The following TENM1 variants were observed in gnomAD, a reference collection of about 807,000 sequenced individuals.
The protein encoded by TENM1 is teneurin transmembrane protein 1.
A neutral mutation model predicts 174.8 loss-of-function variants in TENM1; 35 were observed. That is an observed-to-expected ratio of 0.20 (90% CI 0.15 to 0.27). TENM1 has a LOEUF of 0.27. TENM1 is among the 10% of genes least tolerant of loss of function. TENM1 has a pLI of 1.00. For synonymous variants in TENM1, 781 were observed against 798.7 expected, an observed-to-expected ratio of 0.98 and a Z score of 0.37; for missense variants, 1,633 against 2,130.1, an observed-to-expected ratio of 0.77 and a Z score of 4.59.
At chrX:124,755,505 T>G (rs1418487658) in intron 3 of TENM1, among the ~76,000 whole-genome samples, 3 of 110,873 alleles carry the variant, frequency 2.7e-5, no homozygotes, top group African/African-American at 9.9e-5. Context: ...GTTAATATTG[T>G]TATGTGTGAA....
chrX:124,406,597 C>CTT, intron 25 of TENM1, 108 bp from the exon 29 acceptor site: 1 of 472,871 alleles, frequency 2.1e-6, no homozygotes, highest in Non-Finnish European at 3.6e-6. Flanking sequence ...TGAGTGATAA[C>CTT]AAGTATTATT....
chrX:124,631,811 A>G (rs932320112), intron 11 of TENM1, among the ~76,000 whole-genome samples: 1 of 105,620 alleles, frequency 9.5e-6, no homozygotes, highest in East Asian at 3.0e-4. Context: ...GAGGCAGGAG[A>G]ATCACGGGCG....
At chrX:124,832,294 T>C (rs2056307273) in intron 3 of TENM1, among the ~76,000 whole-genome samples, 1 of 112,175 alleles carries the variant, frequency 8.9e-6, no homozygotes, top group Non-Finnish European at 1.9e-5. Context: ...GATAAATAAA[T>C]ATTGTTAAGG....
intron 11 of TENM1, among the ~76,000 whole-genome samples, chrX:124,587,256 G>T (rs1016637329): frequency 1.8e-5 from 2 of 110,590 alleles, no homozygotes; most frequent in African/African-American, 6.7e-5. Flanking sequence ...AATGAACAAA[G>T]CTGGAGGCAT....
At chrX:124,838,493 G>A (rs1166691166) in intron 3 of TENM1, among the ~76,000 whole-genome samples, 2 of 111,273 alleles carry the variant, frequency 1.8e-5, no homozygotes, top group South Asian at 3.8e-4. Flanking sequence ...TATAACTAAG[G>A]ATCAATATCT....
intron 3 of TENM1, among the ~76,000 whole-genome samples, chrX:124,778,419 G>A (rs1346917508): frequency 1.8e-5 from 2 of 111,934 alleles, no homozygotes; most frequent in Non-Finnish European, 3.8e-5. Context: ...CAATGTGTCC[G>A]CATGCCTAAA....
At chrX:124,771,712 G>C (rs781540693) in intron 3 of TENM1, among the ~76,000 whole-genome samples, 1 of 112,094 alleles carries the variant, frequency 8.9e-6, no homozygotes, top group African/African-American at 3.2e-5. Flanking sequence ...GAATAGAGAA[G>C]AGACATGAAC....
intron 3 of TENM1, among the ~76,000 whole-genome samples, chrX:124,844,964 A>C (rs2056579519): frequency 9.0e-6 from 1 of 111,265 alleles, no homozygotes; most frequent in African/African-American, 3.3e-5. Context: ...TGTAATATAC[A>C]ATTTCTGGGG....
chrX:124,978,689 G>A, the TENM1 span, among the ~76,000 whole-genome samples: 1 of 111,642 alleles, frequency 9.0e-6, no homozygotes, highest in African/African-American at 3.3e-5. Context: ...CAATGATTGC[G>A]CAGAGGTTGT....
chrX:124,645,424 GGC>G, intron 9 of TENM1, 87 bp from the exon 13 acceptor site: 1 of 913,330 alleles, frequency 1.1e-6, no homozygotes, highest in Admixed American at 2.9e-5. Flanking sequence ...TCGTATTTCA[GGC>G]AAAAAATTGT....
At chrX:125,179,879 T>C in the TENM1 span, among the ~76,000 whole-genome samples, 13 of 106,101 alleles carry the variant, frequency 1.2e-4, no homozygotes, top group African/African-American at 4.5e-4. Flanking sequence ...CCATTGGTAA[T>C]TGCCATCTGC....
chrX:124,421,614 C>CT (rs34110361), intron 24 of TENM1, among the ~76,000 whole-genome samples: 3,871 of 94,964 alleles, frequency 0.041, 193 homozygotes, highest in African/African-American at 0.14. Flanking sequence ...GGAGAAGGCT[C>CT]TTTTTTTTTT....
chrX:124,480,038 A>C (rs1489659519), intron 22 of TENM1, among the ~76,000 whole-genome samples: 2 of 111,908 alleles, frequency 1.8e-5, no homozygotes, highest in Non-Finnish European at 3.8e-5. Context: ...AATTCCTTTT[A>C]GGAATTCCTG....
intron 1 of TENM1, among the ~76,000 whole-genome samples, chrX:124,930,519 A>G (rs2058155135): frequency 8.9e-6 from 1 of 111,740 alleles, no homozygotes; most frequent in African/African-American, 3.3e-5. Context: ...TGTTGCACCT[A>G]TACATCTGAC....
chrX:124,800,832 G>A (rs994308907), intron 3 of TENM1, among the ~76,000 whole-genome samples: 18 of 111,778 alleles, frequency 1.6e-4, no homozygotes, highest in Admixed American at 1.4e-3. Flanking sequence ...AGAACTTCTT[G>A]ATTTTTGCCT....
intron 1 of TENM1, among the ~76,000 whole-genome samples, chrX:124,918,670 G>A (rs1348545329): frequency 9.0e-6 from 1 of 111,360 alleles, no homozygotes; most frequent in Non-Finnish European, 1.9e-5. Flanking sequence ...AATAAGAGAA[G>A]GGAACTGACA....
At chrX:125,203,520 G>A in the TENM1 span, among the ~76,000 whole-genome samples, 1 of 112,529 alleles carries the variant, frequency 8.9e-6, no homozygotes, top group Admixed American at 9.3e-5. Context: ...AGCGTCCCCA[G>A]GGCCCGCTGG....
chrX:124,950,103 G>A (rs1053674528), intron 1 of TENM1, among the ~76,000 whole-genome samples: 1 of 110,714 alleles, frequency 9.0e-6, no homozygotes, highest in East Asian at 2.9e-4. Flanking sequence ...GGGGCCCAAG[G>A]CTTCATTTAT....
intron 28 of TENM1, among the ~76,000 whole-genome samples, chrX:124,387,054 G>C (rs2060228107): frequency 9.4e-6 from 1 of 105,858 alleles, no homozygotes. Context: ...ATAAAGTATT[G>C]ATTGACTTCA....
Sources: gnomAD v4.1 joint callset for allele counts (sites outside exome capture counted in the v4.1 genomes callset) on GRCh38, gnomAD v4.1.1 for gene constraint, MANE v1.5 for transcripts, NCBI Gene and HGNC (gene_info 2026-07-23, HGNC 2026-07-21) for gene names.